COL17A1: variants seen among roughly 807,000 people sequenced by gnomAD.
COL17A1 encodes the protein collagen alpha-1(XVII) chain.
In COL17A1, 181 loss-of-function variants were observed where a neutral mutation model predicts 218.4. That is an observed-to-expected ratio of 0.83 (90% CI 0.73 to 0.94). The LOEUF is 0.94. COL17A1 is among the 40% of genes least tolerant of loss of function. The pLI is 0.00. For synonymous variants in COL17A1, 721 were observed against 731.0 expected (o/e 0.99, Z 0.22); for missense variants, 1,924 against 1,945.9 (o/e 0.99, Z 0.21).
chr10:104,032,555 G>A, intron 55 of COL17A1, 119 bp downstream of exon 55: 2 of 1,070,908 alleles, frequency 1.9e-6, no homozygotes, highest in Non-Finnish European at 2.9e-6. Flanking sequence ...TCTGCCTGGA[G>A]TAATTGGCAT....
intron 20 of COL17A1, 128 bp from the exon 21 acceptor site, chr10:104,054,246 AT>A (rs2086497807): frequency 1.2e-6 from 1 of 866,238 alleles, no homozygotes. Flanking sequence ...GTCCAGTTAC[AT>A]TTGAATTGCA....
chr10:104,066,161 T>C (rs900906639), intron 9 of COL17A1, among the ~76,000 whole-genome samples: 1 of 152,134 alleles, frequency 6.6e-6, no homozygotes, highest in African/African-American at 2.4e-5. Context: ...GTCAAATACT[T>C]GAAGAGCCCC....
intron 5 of COL17A1, 145 bp downstream of exon 5, chr10:104,076,156 A>T: frequency 7.7e-7 from 1 of 1,300,252 alleles, no homozygotes; most frequent in African/African-American, 1.5e-5. Context: ...GTCTTCAAGT[A>T]ATGGAAGTCC....
chr10:104,056,948 GGC>G (rs2086534347), intron 17 of COL17A1, 25 bp downstream of exon 17: 1 of 1,554,508 alleles, frequency 6.4e-7, no homozygotes, highest in South Asian at 1.2e-5. Context: ...CTACCACACA[GGC>G]TGCCCTGCTG....
intron 45 of COL17A1, among the ~76,000 whole-genome samples, 171 bp downstream of exon 45, chr10:104,038,223 GACACACATACAC>G (rs1564672553): frequency 4.7e-5 from 6 of 126,560 alleles, no homozygotes; most frequent in African/African-American, 1.6e-4. Context: ...TGGACACATA[GACACACATACAC>G]ACACACACAC....
At chr10:104,055,444 TCACACACACACACACACACACACACA>T in intron 18 of COL17A1, 43 bp from the exon 19 acceptor site, 2 of 1,129,458 alleles carry the variant, frequency 1.8e-6, no homozygotes, top group Non-Finnish European at 2.6e-6. Flanking sequence ...ACATCTCCTG[TCACACACACACACACACACACACACA>T]CACACACACA....
intron 50 of COL17A1, 91 bp downstream of exon 50, chr10:104,035,172 A>G (rs1032387268): frequency 5.5e-5 from 60 of 1,081,676 alleles, no homozygotes; most frequent in Non-Finnish European, 7.6e-5. Flanking sequence ...AGGCTCCAGG[A>G]GCACTTAGAC....
At chr10:104,043,445 G>A (rs558041831) in intron 35 of COL17A1, 56 bp downstream of exon 35, 1,060 of 1,471,100 alleles carry the variant, frequency 7.2e-4, no homozygotes, top group South Asian at 9.4e-4. Context: ...TATGGCTAGA[G>A]TCACTACCGC....
In COL17A1 at chr10:104,033,954, T is replaced by C. The variant is rs1398557329; in HGVS notation, c.4147A>G (p.Ser1383Gly). 1 of 1,613,992 alleles carries C rather than the reference T, an allele frequency of 6.2e-7. No individual in the cohort carries two copies. The change falls in exon 52 of 56, where the codon AGC becomes GGC. Residue 1383 changes from serine (S) to glycine (G), a missense_variant. Coordinates refer to ENST00000648076, the MANE Select transcript of COL17A1 (RefSeq NM_000494.4). ...AAATGTCCCCACTTACGCTGCATGC[T>C]CTCTGACACCCTCACAGCCAGCTCA... The part of the protein sequence containing the change: ...YNELAVRVSE[S>G]MQRQGLLQGM...
At chr10:104,036,362 T>C (rs2086298511) in intron 48 of COL17A1, 130 bp downstream of exon 48, 1 of 1,333,248 alleles carries the variant, frequency 7.5e-7, no homozygotes, top group Non-Finnish European at 1.1e-6. Flanking sequence ...CTCTGAGCAC[T>C]GCTCATTGCT....
chr10:104,039,969 G>A lies in COL17A1; in HGVS notation c.2788+4C>T, dbSNP rs890537170. The A allele has an allele frequency of 6.8e-6, 11 of 1,614,146 alleles. No homozygotes were observed. The East Asian group carries it at 2.5e-4, about 36-fold the overall frequency. On this transcript the variant is annotated splice_donor_region_variant and intron_variant, in intron 41 of 55. Transcript: ENST00000648076. ...GGTTTTGTTTGATGCCGGCTCTACT[G>A]TACCTTGGTGTCCTCTGGGGCCTGG... is the stretch of plus-strand genomic sequence containing the variant.
In COL17A1 at chr10:104,034,737, G is replaced by A. The variant is rs983628732; in HGVS notation, c.3650C>T (p.Pro1217Leu). 5.0e-6 allele frequency: 8 copies of A among 1,612,430 alleles called. No homozygotes were observed. The Admixed American group carries it at 6.7e-5, about 13-fold the overall frequency. ...AGGCCCTGGGGGACCAGGAGGTCCT[G>A]GAGGGCCTGGGATGAATGACAAGCC... ...TAGLSFIPGP[P>L]GPPGPPGPRG... The change falls in exon 51 of 56, where the codon CCA (proline) becomes CTA (leucine). Residue 1217 changes from proline to leucine, a missense_variant. Transcript: ENST00000648076.
chr10:104,048,234 C>T (rs772114977), intron 29 of COL17A1, 130 bp from the exon 30 acceptor site: 3 of 906,502 alleles, frequency 3.3e-6, no homozygotes, highest in South Asian at 2.6e-5. Flanking sequence ...CACGGGACAG[C>T]CCTGTCTGTC....
intron 11 of COL17A1, chr10:104,063,522 A>C (rs868470822): frequency 6.4e-6 from 4 of 629,492 alleles, no homozygotes; most frequent in South Asian, 5.3e-5. Context: ...TAAAGGCGCC[A>C]CCTTAGAATA....
chr10:104,033,964 C>T lies in COL17A1; in HGVS notation c.4137G>A (p.Arg1379=), dbSNP rs1050935503. The change falls in exon 52 of 56, where the codon AGG becomes AGA. Residue 1379 remains arginine, a synonymous_variant. Transcript: ENST00000648076. ...GDLDYNELAV[R]VSESMQRQGL... is the part of the protein sequence containing the mutation. ...ACTTACGCTGCATGCTCTCTGACACCCTCACAGCCAGCTCATTGTAATCCA... is the reference window on the plus strand; with the variant it reads ...ACTTACGCTGCATGCTCTCTGACACTCTCACAGCCAGCTCATTGTAATCCA... 1 of 1,614,066 alleles carries T rather than the reference C, an allele frequency of 6.2e-7. No homozygotes were observed. The highest frequency in any genetic ancestry group is 8.5e-7 in the Non-Finnish European group (1 of 1,180,036).
rs367870580 is a variant in COL17A1, at chr10:104,034,244, G to A, written c.3857C>T (p.Ala1286Val). ...PGDSRLLSTD[A>V]SHSRGSSSSS... is the part of the protein sequence containing the mutation. ...GGAGCTGCTACCCCGACTGTGGGAGGCATCCGTGGACAGGAGGCGGCTGTC... is the reference window on the plus strand; with the variant it reads ...GGAGCTGCTACCCCGACTGTGGGAGACATCCGTGGACAGGAGGCGGCTGTC... Residue 1286 changes from alanine to valine, a missense_variant, in exon 52 of 56, where the codon GCC becomes GTC. Coordinates refer to ENST00000648076, the MANE Select transcript of COL17A1 (RefSeq NM_000494.4). 8 of 1,610,294 alleles carry A rather than the reference G, an allele frequency of 5.0e-6. No homozygotes were observed. Among genetic ancestry groups the A allele is most frequent in the African/African-American group, 4.0e-5 (3 of 74,864 alleles).
At chr10:104,064,337 G>A in intron 10 of COL17A1, 101 bp downstream of exon 10, 1 of 1,581,916 alleles carries the variant, frequency 6.3e-7, no homozygotes. Context: ...GCCTCTCCAG[G>A]AGGCCCTGAG....
intron 1 of COL17A1, among the ~76,000 whole-genome samples, chr10:104,083,172 A>G (rs776023943): frequency 6.6e-6 from 1 of 152,214 alleles, no homozygotes; most frequent in Non-Finnish European, 1.5e-5. Flanking sequence ...GGATCTTCCC[A>G]TGGGACCTAC....
chr10:104,039,625 G>A lies in COL17A1; in HGVS notation c.2804C>T (p.Pro935Leu), dbSNP rs1348582690. The change falls in exon 42 of 56, where the codon CCA (proline) becomes CTA (leucine). Residue 935 changes from proline (P) to leucine (L), a missense_variant. Physicochemically the swap from Pro to Leu is moderately conservative, Grantham distance 98. Transcript: ENST00000648076. Reference sequence around the variant, plus strand: ...GCCCTTACCTGAGGTTGAGAAACCTGGGAGGCCTTGCTCGCCTGAGGAACA... The same window carrying A: ...GCCCTTACCTGAGGTTGAGAAACCTAGGAGGCCTTGCTCGCCTGAGGAACA... Reference protein sequence around the residue: ...PRGHQGEQGLPGFSTSGSSSF... With the variant: ...PRGHQGEQGLLGFSTSGSSSF... 6.2e-7 allele frequency: 1 copy of A among 1,614,152 alleles called. No homozygotes were observed. The highest frequency in any genetic ancestry group is 1.1e-5 in the South Asian group (1 of 91,080).
Sources: gnomAD v4.1 joint callset for allele counts (sites outside exome capture counted in the v4.1 genomes callset) on GRCh38, gnomAD v4.1.1 for gene constraint, MANE v1.5 for transcripts, NCBI Gene and HGNC (gene_info 2026-07-23, HGNC 2026-07-21) for gene names.